Variants in RORB observed in about 807,000 individuals in gnomAD.
RORB encodes the protein RAR related orphan receptor B.
A neutral mutation model predicts 59.1 loss-of-function variants in RORB; 6 were observed. That is an observed-to-expected ratio of 0.10 (90% CI 0.06 to 0.20). The LOEUF (loss-of-function observed/expected upper bound fraction) is 0.20, where lower values mean the gene tolerates loss of function less well. Among genes scored for constraint, RORB ranks in the 10% least tolerant of loss-of-function variants. The pLI, the probability that RORB is intolerant of heterozygous loss-of-function variation, is 1.00. For missense variants in RORB, 320 were observed against 560.5 expected, an observed-to-expected ratio of 0.57 and a Z score of 4.33; for synonymous variants, 215 against 204.5, an observed-to-expected ratio of 1.05 and a Z score of -0.44.
chr9:74,617,516 C>T (rs1823332952), intron 1 of RORB, among the ~76,000 whole-genome samples: 1 of 152,156 alleles, frequency 6.6e-6, no homozygotes. Context: ...ATCTGATGCG[C>T]TCAAATATAA....
intron 1 of RORB, among the ~76,000 whole-genome samples, chr9:74,558,629 G>A (rs968775601): frequency 6.6e-6 from 1 of 151,942 alleles, no homozygotes; most frequent in Non-Finnish European, 1.5e-5. Flanking sequence ...TAGAGAGACA[G>A]AACTTTAAAA....
intron 1 of RORB, among the ~76,000 whole-genome samples, chr9:74,617,011 G>A (rs916127906): frequency 1.3e-5 from 2 of 151,180 alleles, no homozygotes; most frequent in East Asian, 1.9e-4. Flanking sequence ...AAGTTCCTAC[G>A]GTAGAATACC....
intron 1 of RORB, among the ~76,000 whole-genome samples, chr9:74,527,338 G>T (rs1826169296): frequency 6.6e-6 from 1 of 151,926 alleles, no homozygotes; most frequent in South Asian, 2.1e-4. Flanking sequence ...TTATGTGCCA[G>T]TCGCTGTTCC....
intron 9 of RORB, among the ~76,000 whole-genome samples, chr9:74,672,918 G>T (rs1480314116): frequency 6.6e-6 from 1 of 152,086 alleles, no homozygotes; most frequent in African/African-American, 2.4e-5. Context: ...TAAAAAGGGG[G>T]ATGGTAAAGA....
intron 1 of RORB, among the ~76,000 whole-genome samples, chr9:74,570,789 C>T (rs1287194818): frequency 1.3e-5 from 2 of 152,028 alleles, no homozygotes; most frequent in East Asian, 1.9e-4. Flanking sequence ...CAATACATGC[C>T]GTTTGATTAA....
intron 1 of RORB, chr9:74,615,684 G>A (rs751786561): frequency 4.7e-6 from 2 of 426,796 alleles, no homozygotes; most frequent in African/African-American, 2.0e-5. Context: ...TAGCTGTATG[G>A]ACCATCCTCC....
chr9:74,630,156 C>G (rs1380888156), intron 1 of RORB, 126 bp from the exon 2 acceptor site: 3 of 1,269,218 alleles, frequency 2.4e-6, no homozygotes, highest in African/African-American at 1.5e-5. Flanking sequence ...ACTCCCACAC[C>G]ACCGCTCACA....
chr9:74,586,857 A>G (rs1822808568), intron 1 of RORB, among the ~76,000 whole-genome samples: 1 of 152,176 alleles, frequency 6.6e-6, no homozygotes. Context: ...GTTTAATCAT[A>G]CAATTAACAA....
chr9:74,606,976 G>C (rs1554669691), intron 1 of RORB, among the ~76,000 whole-genome samples: 1 of 152,206 alleles, frequency 6.6e-6, no homozygotes, highest in Non-Finnish European at 1.5e-5. Context: ...ACTCATGAGA[G>C]ATAGGAATGC....
At chr9:74,578,110 T>A (rs1393126184) in intron 1 of RORB, among the ~76,000 whole-genome samples, 1 of 149,922 alleles carries the variant, frequency 6.7e-6, no homozygotes, top group Non-Finnish European at 1.5e-5. Flanking sequence ...GAAGATAAAC[T>A]TGGGACTAAA....
At chr9:74,583,638 C>A (rs1448245723) in intron 1 of RORB, among the ~76,000 whole-genome samples, 3 of 152,082 alleles carry the variant, frequency 2.0e-5, no homozygotes, top group African/African-American at 7.2e-5. Context: ...GGTTGATGTT[C>A]TGTCAGTTGT....
In RORB at chr9:74,640,505, G is replaced by A. The variant is rs149688644; in HGVS notation, c.236-1909G>A. On this transcript the variant is annotated intron_variant, in intron 3 of 9. Transcript: ENST00000376896. ...TCACCACGTTAGCCAGGATGGTCTCGATCTCCTGACCTCGTGATCTGCCCG... is the reference window on the plus strand; with the variant it reads ...TCACCACGTTAGCCAGGATGGTCTCAATCTCCTGACCTCGTGATCTGCCCG... Among the ~76,000 whole-genome samples, 148 of 151,822 alleles carry A rather than the reference G, an allele frequency of 9.7e-4. 1 individual carries two copies. Among genetic ancestry groups the A allele is most frequent in the Non-Finnish European group, 1.3e-3 (88 of 67,956 alleles).
chr9:74,537,280 A>G (rs1459546804), intron 1 of RORB, among the ~76,000 whole-genome samples: 2 of 152,140 alleles, frequency 1.3e-5, no homozygotes, highest in East Asian at 3.9e-4. Flanking sequence ...CCTCTTATGT[A>G]GTAAACAGAG....
intron 6 of RORB, among the ~76,000 whole-genome samples, chr9:74,663,955 C>T (rs1460854613): frequency 6.6e-6 from 1 of 152,046 alleles, no homozygotes; most frequent in Admixed American, 6.6e-5. Flanking sequence ...ATTGTTATTT[C>T]CATTATATAC....
chr9:74,654,765 T>A (rs2118496565), intron 4 of RORB, among the ~76,000 whole-genome samples: 1 of 152,320 alleles, frequency 6.6e-6, no homozygotes, highest in East Asian at 1.9e-4. Context: ...TAATTGAATA[T>A]AAATCTTGGA....
chr9:74,593,498 A>T (rs1025877294), intron 1 of RORB, among the ~76,000 whole-genome samples: 4 of 151,870 alleles, frequency 2.6e-5, no homozygotes, highest in African/African-American at 9.7e-5. Flanking sequence ...AAGAGGAAGA[A>T]GAACTTCTAA....
At chr9:74,524,760 T>C (rs1826133369) in intron 1 of RORB, among the ~76,000 whole-genome samples, 1 of 151,914 alleles carries the variant, frequency 6.6e-6, no homozygotes, top group Non-Finnish European at 1.5e-5. Flanking sequence ...TCTTTTTTTA[T>C]GTTCAACAAT....
At chr9:74,576,392 T>A (rs1822635356) in intron 1 of RORB, among the ~76,000 whole-genome samples, 1 of 152,014 alleles carries the variant, frequency 6.6e-6, no homozygotes, top group South Asian at 2.1e-4. Context: ...TGCCTTGAAG[T>A]ATGGAAACAT....
intron 1 of RORB, among the ~76,000 whole-genome samples, chr9:74,539,497 T>C (rs138746658): frequency 2.8e-3 from 430 of 152,296 alleles, no homozygotes; most frequent in African/African-American, 9.5e-3. Context: ...TTTCTATTCA[T>C]AACTTTCATA....
Sources: allele counts gnomAD v4.1 joint callset (sites outside exome capture counted in the v4.1 genomes callset), GRCh38; gene constraint gnomAD v4.1.1; transcripts MANE v1.5; gene names NCBI Gene and HGNC (gene_info 2026-07-23, HGNC 2026-07-21).